KCTD4: variants seen among roughly 807,000 people sequenced by gnomAD.
The protein encoded by KCTD4 is BTB/POZ domain-containing protein KCTD4.
A neutral mutation model predicts 18.3 loss-of-function variants in KCTD4; 12 were observed. The ratio of observed to expected loss-of-function variants is 0.66; its 90% CI spans 0.42 to 1.06. KCTD4 has a LOEUF of 1.06. Ranked by LOEUF, KCTD4 falls within the 50% of genes least tolerant of loss-of-function variation. The pLI is 0.00. For missense variants in KCTD4, 250 were observed against 303.4 expected, an observed-to-expected ratio of 0.82 and a Z score of 1.31; for synonymous variants, 124 against 110.5, an observed-to-expected ratio of 1.12 and a Z score of -0.76.
intron 1 of KCTD4, among the ~76,000 whole-genome samples, chr13:45,196,568 A>G (rs1219163955): frequency 1.3e-5 from 2 of 152,244 alleles, no homozygotes; most frequent in Non-Finnish European, 2.9e-5. Context: ...TATAATAGCA[A>G]AATCAAAAAG....
Position 45,194,751 on chromosome 13 carries a change from C to T in KCTD4, c.-184G>A, listed in dbSNP as rs1872808877. The T allele has an allele frequency of 3.3e-6, 2 of 597,678 alleles. No individual in the cohort carries two copies. The highest frequency in any genetic ancestry group is 6.0e-6 in the Non-Finnish European group (2 of 331,124). 37.0% of individuals were successfully genotyped at this position (597,678 alleles called of 1,614,324 possible). A position where few individuals can be genotyped will look rare whatever the true frequency, so the allele number is the denominator to read the frequency against. On this transcript the variant is annotated 5_prime_UTR_variant, in exon 2 of 2. Transcript: ENST00000379108. ...GCGTATCAGCCTATGTATGCAGGAG[C>T]TTTCTGGAGTAAGACGGAAAAGAGA... is the stretch of plus-strand genomic sequence containing the variant.
At chr13:45,198,365 T>C (rs960483860) in intron 1 of KCTD4, among the ~76,000 whole-genome samples, 4 of 152,188 alleles carry the variant, frequency 2.6e-5, no homozygotes, top group Non-Finnish European at 5.9e-5. Flanking sequence ...TGGAAGGAAG[T>C]GAAACCTTAC....
chr13:45,193,914 A>T lies in KCTD4; in HGVS notation c.654T>A (p.Cys218Ter). ...LVLKEDNTFV[C>*]TLETLKFEAI... ...CCTCAAACTTAAGAGTTTCCAAGGT[A>T]CAGACAAAGGTGTTGTCTTCCTTTA... Residue 218 changes from cysteine to a stop codon, truncating the protein, a stop_gained, in exon 2 of 2, where the codon TGT becomes TGA. Coordinates refer to ENST00000379108, the MANE Select transcript of KCTD4 (RefSeq NM_198404.3). LOFTEE classifies it high-confidence loss of function. 2 of 1,614,180 alleles carry T rather than the reference A, an allele frequency of 1.2e-6. No individual in the cohort carries two copies. Among genetic ancestry groups the T allele is most frequent in the Non-Finnish European group, 1.7e-6 (2 of 1,179,998 alleles).
At chr13:45,199,369 C>A (rs186952650) in intron 1 of KCTD4, among the ~76,000 whole-genome samples, 29 of 152,332 alleles carry the variant, frequency 1.9e-4, no homozygotes, top group Admixed American at 2.0e-4. Context: ...TTCCACATTT[C>A]TTTGATTTTC....
At chr13:45,199,714 C>T (rs1374677201) in intron 1 of KCTD4, among the ~76,000 whole-genome samples, 3 of 152,070 alleles carry the variant, frequency 2.0e-5, no homozygotes, top group Non-Finnish European at 4.4e-5. Context: ...AGCTAATAAC[C>T]ATTATCTACA....
intron 1 of KCTD4, among the ~76,000 whole-genome samples, chr13:45,200,017 T>A (rs568443625): frequency 1.3e-5 from 2 of 152,206 alleles, no homozygotes; most frequent in South Asian, 4.1e-4. Context: ...ATCACACATT[T>A]TTTTCATATT....
intron 1 of KCTD4, among the ~76,000 whole-genome samples, chr13:45,199,518 AG>A (rs1252317799): frequency 6.6e-6 from 1 of 152,090 alleles, no homozygotes; most frequent in Non-Finnish European, 1.5e-5. Flanking sequence ...TTAAAAATGA[AG>A]TTTTTTTTTG....
At position 45,197,298 on chromosome 13, in the gene KCTD4, A is replaced by T. The variant is rs1223475116; in HGVS notation, c.-187-2544T>A. Among the ~76,000 whole-genome samples the T allele has an allele frequency of 3.3e-5, 5 of 150,818 alleles. No homozygotes were observed. The East Asian group carries it at 9.8e-4, about 30-fold the overall frequency. On this transcript the variant is annotated intron_variant, in intron 1 of 1. Transcript: ENST00000379108. Reference sequence around the variant, plus strand: ...GGTCACTTGAGGCCAGGAGTTTGAGACCAGCCTGGCCAGTATAGGGAAATC... The same window carrying T: ...GGTCACTTGAGGCCAGGAGTTTGAGTCCAGCCTGGCCAGTATAGGGAAATC...
chr13:45,196,293 G>T (rs916705920), intron 1 of KCTD4, among the ~76,000 whole-genome samples: 6 of 152,134 alleles, frequency 3.9e-5, no homozygotes, highest in Admixed American at 6.6e-5. Flanking sequence ...AGAATTTTTA[G>T]TATTTTATCT....
chr13:45,194,402 C>A lies in KCTD4; in HGVS notation c.166G>T (p.Asp56Tyr). Residue 56 changes from aspartate to tyrosine, a missense_variant, in exon 2 of 2, where the codon GAC (aspartate) becomes TAC (tyrosine). Transcript: ENST00000379108. Reference sequence around the variant, plus strand: ...TTTACTATACCTTCAAGGAAAGTGTCTGGGTACTTGGTCAGTGTTTGTTTT... The same window carrying A: ...TTTACTATACCTTCAAGGAAAGTGTATGGGTACTTGGTCAGTGTTTGTTTT... ...TQKQTLTKYP[D>Y]TFLEGIVNGK... The A allele has an allele frequency of 1.9e-6, 3 of 1,614,170 alleles. No homozygotes were observed. The highest frequency in any genetic ancestry group is 2.5e-6 in the Non-Finnish European group (3 of 1,180,018).
In KCTD4 at chr13:45,194,524, TC is replaced by T; in HGVS notation, c.43del (p.Glu15LysfsTer20). On this transcript the variant is annotated frameshift_variant, in exon 2 of 2. Coordinates refer to ENST00000379108, the MANE Select transcript of KCTD4 (RefSeq NM_198404.3). LOFTEE classifies it high-confidence loss of function. ...INRREKEKEY[E>X]GKHNSLEDTD... ...ATCTTCCAGGCTGTTGTGTTTCCCT[TC>T]ATACTCCTTTTCTTTTTCTCTTCTG... The T allele has an allele frequency of 6.2e-7, 1 of 1,613,814 alleles. No individual in the cohort carries two copies. Among genetic ancestry groups the T allele is most frequent in the Non-Finnish European group, 8.5e-7 (1 of 1,179,912 alleles).
intron 1 of KCTD4, among the ~76,000 whole-genome samples, chr13:45,196,697 A>G (rs1304476810): frequency 6.6e-6 from 1 of 152,224 alleles, no homozygotes. Context: ...TCTTGTTTAA[A>G]TAAAGTGATG....
intron 1 of KCTD4, among the ~76,000 whole-genome samples, chr13:45,198,633 A>G (rs925447023): frequency 1.3e-5 from 2 of 152,204 alleles, no homozygotes; most frequent in Admixed American, 6.5e-5. Context: ...AGTAAAAGCT[A>G]GAGAAGCTGC....
At chr13:45,195,898 T>C (rs1282688768) in intron 1 of KCTD4, among the ~76,000 whole-genome samples, 1 of 152,184 alleles carries the variant, frequency 6.6e-6, no homozygotes, top group Admixed American at 6.5e-5. Context: ...TCAGGTGATC[T>C]GCCCACCTCA....
intron 1 of KCTD4, among the ~76,000 whole-genome samples, chr13:45,195,516 G>T (rs1256319270): frequency 6.7e-6 from 1 of 148,782 alleles, no homozygotes; most frequent in Non-Finnish European, 1.5e-5. Context: ...AGTGTCATGG[G>T]TAAGTTAGTT....
intron 1 of KCTD4, among the ~76,000 whole-genome samples, chr13:45,197,852 T>C (rs1872977688): frequency 6.6e-6 from 1 of 152,236 alleles, no homozygotes; most frequent in Non-Finnish European, 1.5e-5. Flanking sequence ...GCCTTGCAGA[T>C]ACAAACCGGA....
chr13:45,198,777 A>G (rs1873031931), intron 1 of KCTD4, among the ~76,000 whole-genome samples: 1 of 151,462 alleles, frequency 6.6e-6, no homozygotes, highest in Non-Finnish European at 1.5e-5. Flanking sequence ...TTTTTTTTTA[A>G]CATGTACTTG....
At chr13:45,198,448 C>G (rs1259389216) in intron 1 of KCTD4, among the ~76,000 whole-genome samples, 1 of 152,182 alleles carries the variant, frequency 6.6e-6, no homozygotes, top group Non-Finnish European at 1.5e-5. Context: ...GATCATTCCT[C>G]TATAAAATTC....
Position 45,193,622 on chromosome 13 carries a change from A to G in KCTD4, c.*166T>C, listed in dbSNP as rs540154257. 7.2e-4 allele frequency: 443 copies of G among 611,992 alleles called. 1 individual carries two copies. The African/African-American group carries it at 7.7e-3, about 11-fold the overall frequency. 37.9% of individuals were successfully genotyped at this position (611,992 alleles called of 1,614,324 possible). Reference sequence around the variant, plus strand: ...AGTAGGAACACCCCAGAGGAAGGACATCTTTAGCGATAGAATTTACATACC... The same window carrying G: ...AGTAGGAACACCCCAGAGGAAGGACGTCTTTAGCGATAGAATTTACATACC... On this transcript the variant is annotated 3_prime_UTR_variant, in exon 2 of 2. Coordinates refer to ENST00000379108, the MANE Select transcript of KCTD4 (RefSeq NM_198404.3).
Sources: allele counts gnomAD v4.1 joint callset (sites outside exome capture counted in the v4.1 genomes callset), GRCh38; gene constraint gnomAD v4.1.1; transcripts MANE v1.5; gene names NCBI Gene and HGNC (gene_info 2026-07-23, HGNC 2026-07-21).